Variants in ZNF100 observed in about 807,000 individuals in gnomAD.
ZNF100 encodes zinc finger protein 100.
In ZNF100, 12 loss-of-function variants were observed where a neutral mutation model predicts 15.8. That is an observed-to-expected ratio of 0.76 (90% CI 0.49 to 1.23). ZNF100 has a LOEUF of 1.23. Ranked by LOEUF, ZNF100 falls within the 50% of genes most tolerant of loss-of-function variation. The pLI is 0.00. For synonymous variants in ZNF100, 226 were observed against 214.8 expected (o/e 1.05, Z -0.45); for missense variants, 670 against 635.6 (o/e 1.05, Z -0.58).
rs567871298 is a variant in ZNF100 at position 21,726,689 on chromosome 19, T to G, written c.1623A>C (p.Gln541His). ...QNNSYWRETL[Q>H]M Reference sequence around the variant, plus strand: ...AAAGGCTTTGCCACATTTTTCACATTTGTAGGGTTTCTCTCCAGTATGAGT... The same window carrying G: ...AAAGGCTTTGCCACATTTTTCACATGTGTAGGGTTTCTCTCCAGTATGAGT... The change falls in exon 5 of 5, where the codon CAA (glutamine) becomes CAC (histidine). Residue 541 changes from glutamine to histidine, a missense_variant. Coordinates refer to ENST00000358296, the MANE Select transcript of ZNF100 (RefSeq NM_173531.4). 1 of 1,605,584 alleles carries G rather than the reference T, an allele frequency of 6.2e-7. No individual in the cohort carries two copies. The highest frequency in any genetic ancestry group is 8.5e-7 in the Non-Finnish European group (1 of 1,176,744).
At chr19:21,767,226 G>A (rs894528352) in intron 1 of ZNF100, among the ~76,000 whole-genome samples, 4 of 152,178 alleles carry the variant, frequency 2.6e-5, no homozygotes, top group African/African-American at 9.7e-5. Context: ...CAGTCACTAC[G>A]CAGGGAAGAG....
rs1231878589 is a variant in ZNF100, at chr19:21,751,802, C to CT, written c.97-6736dup. ...TCTTAGCAAAGAAAGAGCACAGAAC[C>CT]TAGAGGCTATTTCTAGATTATGTGA... On this transcript the variant is annotated intron_variant, in intron 2 of 4. Coordinates refer to ENST00000358296, the MANE Select transcript of ZNF100 (RefSeq NM_173531.4). 6.9e-6 allele frequency: 8 copies of CT among 1,155,668 alleles called. No homozygotes were observed. The African/African-American group carries it at 1.2e-4, about 18-fold the overall frequency. The allele number at this position is 1,155,668 out of a possible 1,614,324, so 71.6% of individuals were successfully genotyped here. A position where few individuals can be genotyped will look rare whatever the true frequency, so the allele number is the denominator to read the frequency against.
intron 4 of ZNF100, among the ~76,000 whole-genome samples, chr19:21,729,581 A>C (rs1390845854): frequency 6.6e-6 from 1 of 152,014 alleles, no homozygotes; most frequent in African/African-American, 2.4e-5. Flanking sequence ...TGAAAGAAAA[A>C]ATAAAAACAA....
rs1163654102 is a variant in ZNF100, at chr19:21,765,679, G to A, written c.96+15C>T. The stretch of plus-strand genomic sequence containing the variant: ...TGGGTTGGGTGAAGACAATTTTAAT[G>A]TCTCAAGGGGTTACCTTTTCAAAAT... On this transcript the variant is annotated intron_variant, in intron 2 of 4. Coordinates refer to ENST00000358296, the MANE Select transcript of ZNF100 (RefSeq NM_173531.4). 2.5e-6 allele frequency: 4 copies of A among 1,601,846 alleles called. No homozygotes were observed. Among genetic ancestry groups the A allele is most frequent in the Non-Finnish European group, 3.4e-6 (4 of 1,170,358 alleles).
At position 21,723,564 on chromosome 19, in the gene ZNF100, G is replaced by A. The variant is rs2145671014; in HGVS notation, c.*3119C>T. Reference sequence around the variant, plus strand: ...AGATAATTAAGAAATAAAAGATGCAGAACTTCTCTTTAAATTCAGCAAGAT... The same window carrying A: ...AGATAATTAAGAAATAAAAGATGCAAAACTTCTCTTTAAATTCAGCAAGAT... On this transcript the variant is annotated 3_prime_UTR_variant, in exon 5 of 5. Coordinates refer to ENST00000358296, the MANE Select transcript of ZNF100 (RefSeq NM_173531.4). 6.6e-6 allele frequency: 1 copy of A among 152,236 alleles called. No homozygotes were observed. Among genetic ancestry groups the A allele is most frequent in the East Asian group, 1.9e-4 (1 of 5,180 alleles). 9.4% of individuals were successfully genotyped at this position (152,236 alleles called of 1,614,324 possible). A position where few individuals can be genotyped will look rare whatever the true frequency, so the allele number is the denominator to read the frequency against.
chr19:21,727,112 G>A lies in ZNF100; in HGVS notation c.1200C>T (p.Phe400=), dbSNP rs1221500885. Residue 400 remains phenylalanine, a synonymous_variant, in exon 5 of 5, where the codon TTC becomes TTT. Coordinates refer to ENST00000358296, the MANE Select transcript of ZNF100 (RefSeq NM_173531.4). ...KHKTSHTGEK[F]YKCEECGKGF... is the part of the protein sequence containing the mutation. ...CTTTGCCGCATTCTTCACATTTGTA[G>A]AATTTCTCTCCAGTATGACTTGTCT... is the stretch of plus-strand genomic sequence containing the variant. 1 of 1,611,628 alleles carries A rather than the reference G, an allele frequency of 6.2e-7. No homozygotes were observed. The highest frequency in any genetic ancestry group is 8.5e-7 in the Non-Finnish European group (1 of 1,178,498).
In ZNF100 at chr19:21,767,517, A is replaced by G; in HGVS notation, c.-88T>C. The G allele has an allele frequency of 6.3e-7, 1 of 1,581,774 alleles. No homozygotes were observed. The highest frequency in any genetic ancestry group is 1.1e-5 in the South Asian group (1 of 89,044). ...GGGCCACACAGGCTAGGCCCCTAGGAGCAGAAGACACAGAGAAGTGAGAGC... is the reference window on the plus strand; with the variant it reads ...GGGCCACACAGGCTAGGCCCCTAGGGGCAGAAGACACAGAGAAGTGAGAGC... On this transcript the variant is annotated 5_prime_UTR_variant, in exon 1 of 5. Transcript: ENST00000358296.
chr19:21,753,856 G>A (rs144542733), intron 2 of ZNF100, among the ~76,000 whole-genome samples: 399 of 152,284 alleles, frequency 2.6e-3, no homozygotes, highest in African/African-American at 9.0e-3. Context: ...ATGAACAGCT[G>A]TTTTATCATC....
intron 4 of ZNF100, among the ~76,000 whole-genome samples, chr19:21,733,706 G>C (rs1038766602): frequency 1.3e-5 from 2 of 152,270 alleles, no homozygotes; most frequent in African/African-American, 4.8e-5. Context: ...CCAAGAAGCA[G>C]CCAGAGTGCC....
Position 21,725,089 on chromosome 19 carries a change from G to A in ZNF100, c.*1594C>T, listed in dbSNP as rs1178240533. On this transcript the variant is annotated 3_prime_UTR_variant, in exon 5 of 5. Coordinates refer to ENST00000358296, the MANE Select transcript of ZNF100 (RefSeq NM_173531.4). ...AATAAAAACAAAAATTTAACCTACA[G>A]AAATAATATTCTTTAACTTATTTGC... The A allele has an allele frequency of 1.3e-5, 2 of 152,106 alleles. No homozygotes were observed. The highest frequency in any genetic ancestry group is 3.9e-4 in the East Asian group (2 of 5,176). The allele number at this position is 152,106 out of a possible 1,614,324, so 9.4% of individuals were successfully genotyped here. A position where few individuals can be genotyped will look rare whatever the true frequency, so the allele number is the denominator to read the frequency against.
chr19:21,728,171 TATAA>T (rs1029868985), intron 4 of ZNF100, among the ~76,000 whole-genome samples, 182 bp from the exon 5 acceptor site: 5 of 150,622 alleles, frequency 3.3e-5, no homozygotes, highest in African/African-American at 7.3e-5. Flanking sequence ...TGAAAAAAAT[TATAA>T]ATGAGTTAAG....
Position 21,765,730 on chromosome 19 carries a change from A to G in ZNF100, c.60T>C (p.Ala20=), listed in dbSNP as rs779949129. ...PLKGASGCPG[A]ERSLLVQSYF... is the part of the protein sequence containing the mutation. ...AAGACTGCACCAGAAGACTCCTCTC[A>G]GCCCCAGGGCATCCACTTGCTCCCT... The change falls in exon 2 of 5, where the codon GCT becomes GCC. Residue 20 remains alanine, a synonymous_variant. Coordinates refer to ENST00000358296, the MANE Select transcript of ZNF100 (RefSeq NM_173531.4). 12 of 1,614,052 alleles carry G rather than the reference A, an allele frequency of 7.4e-6. No homozygotes were observed. The highest frequency in any genetic ancestry group is 5.0e-5 in the Admixed American group (3 of 60,002).
intron 4 of ZNF100, among the ~76,000 whole-genome samples, chr19:21,740,541 T>C (rs900395688): frequency 6.6e-6 from 1 of 151,894 alleles, no homozygotes; most frequent in Non-Finnish European, 1.5e-5. Flanking sequence ...GTGAAAATAT[T>C]TGCAAGTCAC....
At position 21,767,443 on chromosome 19, in the gene ZNF100, G is replaced by C; in HGVS notation, c.-14C>G. The C allele has an allele frequency of 6.2e-7, 1 of 1,614,090 alleles. No homozygotes were observed. The highest frequency in any genetic ancestry group is 1.3e-5 in the African/African-American group (1 of 75,044). On this transcript the variant is annotated 5_prime_UTR_variant, in exon 1 of 5. Coordinates refer to ENST00000358296, the MANE Select transcript of ZNF100 (RefSeq NM_173531.4). ...CACTCTCACCATTTCTAGGCTTCTA[G>C]GGGGTCCTGGCGTCTTAGCTGTGGA...
At chr19:21,766,397 T>C (rs1474055516) in intron 1 of ZNF100, among the ~76,000 whole-genome samples, 2 of 134,612 alleles carry the variant, frequency 1.5e-5, no homozygotes, top group Admixed American at 8.4e-5. Flanking sequence ...GAGGTGTCTC[T>C]AGTCCCTGGG....
intron 1 of ZNF100, among the ~76,000 whole-genome samples, chr19:21,766,416 T>TAAA (rs34113075): frequency 6.9e-6 from 1 of 144,246 alleles, no homozygotes; most frequent in Non-Finnish European, 1.5e-5. Context: ...GGTTCCTACT[T>TAAA]AAAAAAAAAA....
At chr19:21,742,376 CTTTT>C (rs59997375) in intron 4 of ZNF100, among the ~76,000 whole-genome samples, 2 of 86,128 alleles carry the variant, frequency 2.3e-5, no homozygotes, top group Non-Finnish European at 4.8e-5. Context: ...TTTTCTTTTT[CTTTT>C]TTTTTTTTTT....
intron 4 of ZNF100, among the ~76,000 whole-genome samples, chr19:21,735,191 C>T (rs181599001): frequency 4.1e-4 from 63 of 152,260 alleles, no homozygotes; most frequent in Middle Eastern, 6.8e-3. Flanking sequence ...ATCAAATTCA[C>T]ACATAACAAT....
At chr19:21,764,470 C>T (rs1227439628) in intron 2 of ZNF100, among the ~76,000 whole-genome samples, 1 of 151,876 alleles carries the variant, frequency 6.6e-6, no homozygotes, top group Non-Finnish European at 1.5e-5. Flanking sequence ...AGTGAAACCC[C>T]GCCTCTACTA....
Sources: gnomAD v4.1 joint callset for allele counts (sites outside exome capture counted in the v4.1 genomes callset) on GRCh38, gnomAD v4.1.1 for gene constraint, MANE v1.5 for transcripts, NCBI Gene and HGNC (gene_info 2026-07-23, HGNC 2026-07-21) for gene names.